Variants in POLR2F observed in about 807,000 individuals in gnomAD.
The protein encoded by POLR2F is RNA polymerase II, I and III subunit F, also known as DNA-directed RNA polymerases I, II, and III subunit RPABC2.
Under a neutral mutation model 22.7 loss-of-function variants are expected in POLR2F, and 12 were observed. The observed-to-expected ratio is 0.53, with a 90% CI of 0.34 to 0.86. POLR2F has a LOEUF of 0.86. Among genes scored for constraint, POLR2F ranks in the 40% least tolerant of loss-of-function variants. The probability of loss-of-function intolerance (pLI) is 0.02; values close to 1 mark genes in which losing one functional copy is unlikely to be tolerated. For synonymous variants in POLR2F, 57 were observed against 66.0 expected, an observed-to-expected ratio of 0.86 and a Z score of 0.66; for missense variants, 126 against 171.5, an observed-to-expected ratio of 0.73 and a Z score of 1.48.
At position 37,997,365 on chromosome 22, in the gene POLR2F, C is replaced by T. The variant is rs559110996; in HGVS notation, c.120+11053C>T. Among the ~76,000 whole-genome samples the T allele has an allele frequency of 7.2e-5, 11 of 152,242 alleles. No individual in the cohort carries two copies. The highest frequency in any genetic ancestry group is 2.6e-4 in the Admixed American group (4 of 15,296). ...TTTGACCCCACATCCCACAGTTGGT[C>T]GCTCCTGCCTCTTGGTGTCCTTCTT... On this transcript the variant is annotated intron_variant, in intron 1 of 2. Transcript: ENST00000333418. This position sits in a 1 kb window ranked among gnomAD's most constrained non-coding sequence, Gnocchi z 4.4.
In POLR2F at chr22:37,998,694, A is replaced by G. The variant is rs570862185; in HGVS notation, c.120+12382A>G. Reference sequence around the variant, plus strand: ...AAGGGTTAAGTCAGGGACTCTTGGGATGGCTTTGGCCACGGCCATTCCTCC... The same window carrying G: ...AAGGGTTAAGTCAGGGACTCTTGGGGTGGCTTTGGCCACGGCCATTCCTCC... On this transcript the variant is annotated intron_variant, in intron 1 of 2. Transcript: ENST00000333418. Among the ~76,000 whole-genome samples, 22 of 152,184 alleles carry G rather than the reference A, an allele frequency of 1.4e-4. No individual in the cohort carries two copies. In the South Asian group the frequency reaches 4.4e-3, roughly 30 times the overall value.
intron 1 of POLR2F, among the ~76,000 whole-genome samples, chr22:38,012,263 G>T (rs1417666786): frequency 1.3e-5 from 2 of 151,924 alleles, no homozygotes; most frequent in Admixed American, 1.3e-4. Flanking sequence ...TGTATTTTTA[G>T]TAGAGAGAGG....
At chr22:37,987,621 G>T in intron 1 of POLR2F, 1 of 318,826 alleles carries the variant, frequency 3.1e-6, no homozygotes, top group South Asian at 2.7e-5. Flanking sequence ...CAGGAGTGAG[G>T]GATGGTCTGG....
chr22:37,986,161 T>C (rs1932568270), upstream of POLR2F: 2 of 1,534,914 alleles, frequency 1.3e-6, no homozygotes, highest in African/African-American at 1.4e-5. This position sits in a 1 kb window ranked among gnomAD's most constrained non-coding sequence, Gnocchi z 4.7. Flanking sequence ...CAGCGCCCGC[T>C]CGGCCTCAGA....
intron 1 of POLR2F, among the ~76,000 whole-genome samples, chr22:37,954,893 G>C (rs75675716): frequency 4.6e-5 from 7 of 152,164 alleles, no homozygotes; most frequent in Non-Finnish European, 1.0e-4. Context: ...AAGCCGGGGA[G>C]GTGGGGGAAC....
At chr22:37,992,665 C>T (rs1297734157) in intron 1 of POLR2F, among the ~76,000 whole-genome samples, 1 of 152,216 alleles carries the variant, frequency 6.6e-6, no homozygotes, top group Non-Finnish European at 1.5e-5. Context: ...TCCCAAAGTG[C>T]TGGGATTACA....
chr22:37,969,194 G>A lies in POLR2F; in HGVS notation c.*1479G>A. On this transcript the variant is annotated 3_prime_UTR_variant, in exon 5 of 5. Transcript: ENST00000442738. ...GATAGAGTGCAAGGGAAATGGGACA[G>A]AAGGGGTGTTTTTCCTCCTGTCTTC... The A allele has an allele frequency of 1.0e-6, 1 of 985,436 alleles. No homozygotes were observed. Among genetic ancestry groups the A allele is most frequent in the Non-Finnish European group, 1.2e-6 (1 of 829,938 alleles). The allele number at this position is 985,436 out of a possible 1,614,324, so 61.0% of individuals were successfully genotyped here.
At chr22:37,979,359 A>C (rs1374408968) in intron 4 of POLR2F, among the ~76,000 whole-genome samples, 1 of 152,062 alleles carries the variant, frequency 6.6e-6, no homozygotes, top group Non-Finnish European at 1.5e-5. Flanking sequence ...TGGCCTCCCA[A>C]AGTGCTGAGA....
intron 1 of POLR2F, among the ~76,000 whole-genome samples, chr22:37,996,896 G>A (rs1022420197): frequency 2.0e-5 from 3 of 152,288 alleles, no homozygotes; most frequent in South Asian, 2.1e-4. Flanking sequence ...CGATTACGAC[G>A]CACCTGGTGG....
At position 37,977,893 on chromosome 22, in the gene POLR2F, G is replaced by A. The variant is rs940482154; in HGVS notation, c.293+10723G>A. On this transcript the variant is annotated intron_variant, in intron 4 of 4. Transcript: ENST00000405557. Reference sequence around the variant, plus strand: ...TGAGGGGTGCTCGGGGTTCCCATCTGACATGGGGGAGCCCTCTCCTGGGTG... The same window carrying A: ...TGAGGGGTGCTCGGGGTTCCCATCTAACATGGGGGAGCCCTCTCCTGGGTG... 6.2e-7 allele frequency: 1 copy of A among 1,612,356 alleles called. No individual in the cohort carries two copies. The highest frequency in any genetic ancestry group is 1.3e-5 in the African/African-American group (1 of 74,914).
intron 1 of POLR2F, among the ~76,000 whole-genome samples, chr22:37,999,047 C>T (rs2084744855): frequency 6.6e-6 from 1 of 151,980 alleles, no homozygotes; most frequent in South Asian, 2.1e-4. Context: ...CAGGGCCTCC[C>T]CCTTCTGTCT....
chr22:38,037,505 G>A (rs370634478), intron 5 of POLR2F, among the ~76,000 whole-genome samples: 1 of 144,566 alleles, frequency 6.9e-6, no homozygotes. Context: ...TGAACTCTTG[G>A]CCTCAAGCAG....
chr22:38,031,670 G>T (rs1031693599), downstream of POLR2F, among the ~76,000 whole-genome samples: 1 of 152,082 alleles, frequency 6.6e-6, no homozygotes, highest in Non-Finnish European at 1.5e-5. The surrounding 1 kb of genome is among the most constrained non-coding windows in gnomAD (Gnocchi z 4.1). Context: ...ACTTCCTCAC[G>T]TGTGACCCTG....
At chr22:38,020,206 TACACACACACAC>T (rs112285508) in intron 1 of POLR2F, among the ~76,000 whole-genome samples, 22 of 144,804 alleles carry the variant, frequency 1.5e-4, no homozygotes, top group African/African-American at 4.3e-4. Context: ...CACACATATA[TACACACACACAC>T]ACACACACAC....
chr22:38,006,673 ACAGACCCCC>A (rs987152847), intron 1 of POLR2F, among the ~76,000 whole-genome samples: 1 of 152,186 alleles, frequency 6.6e-6, no homozygotes, highest in Admixed American at 6.5e-5. Context: ...CATTGCTCCC[ACAGACCCCC>A]CAGGAAGGGC....
chr22:37,954,546 C>G (rs1048333374), intron 1 of POLR2F, among the ~76,000 whole-genome samples: 1 of 152,194 alleles, frequency 6.6e-6, no homozygotes, highest in African/African-American at 2.4e-5. Flanking sequence ...TGTGATCCAC[C>G]CGCCTCGGCC....
At chr22:38,039,959 A>G (rs1227171533) in intron 5 of POLR2F, among the ~76,000 whole-genome samples, 1 of 152,170 alleles carries the variant, frequency 6.6e-6, no homozygotes, top group Non-Finnish European at 1.5e-5. Context: ...AAGAGACAGT[A>G]AAAGTTCTGC....
intron 5 of POLR2F, chr22:38,034,025 C>A (rs753572355): frequency 6.0e-6 from 1 of 166,080 alleles, no homozygotes; most frequent in Non-Finnish European, 1.5e-5. Context: ...GTGGCTGGGG[C>A]CGAACCCGGA....
At chr22:37,985,992 G>A (rs1016938307), upstream of POLR2F, 85 of 1,190,550 alleles carry the variant, frequency 7.1e-5, no homozygotes, top group South Asian at 1.1e-3. Flanking sequence ...TTTCCTCGAC[G>A]CCACCCCCGG....
Sources: gnomAD v4.1 joint callset for allele counts (sites outside exome capture counted in the v4.1 genomes callset) on GRCh38, gnomAD v4.1.1 for gene constraint, Gnocchi (gnomAD v3.1) non-coding constraint, MANE v1.5 for transcripts, NCBI Gene and HGNC (gene_info 2026-07-23, HGNC 2026-07-21) for gene names.